GRM8: variants seen among roughly 807,000 people sequenced by gnomAD.
GRM8 encodes metabotropic glutamate receptor 8.
GRM8 carries 47 observed loss-of-function variants against 87.2 expected under a neutral mutation model. The ratio of observed to expected loss-of-function variants is 0.54; its 90% CI spans 0.43 to 0.69. The LOEUF (loss-of-function observed/expected upper bound fraction) is 0.69, where lower values mean the gene tolerates loss of function less well. Ranked by LOEUF, GRM8 falls within the 30% of genes least tolerant of loss-of-function variation. The probability of loss-of-function intolerance (pLI) is 0.00; values close to 1 mark genes in which losing one functional copy is unlikely to be tolerated. For missense variants in GRM8, 1,019 were observed against 1,139.2 expected (o/e 0.89, Z 1.52); for synonymous variants, 396 against 404.5 (o/e 0.98, Z 0.25).
intron 8 of GRM8, among the ~76,000 whole-genome samples, chr7:126,569,440 CT>C (rs1244539407): frequency 6.6e-6 from 1 of 152,128 alleles, no homozygotes; most frequent in Non-Finnish European, 1.5e-5. Context: ...AACAAAAATG[CT>C]GAAAGTGAAT....
At chr7:126,832,016 G>A (rs960773619) in intron 6 of GRM8, among the ~76,000 whole-genome samples, 2 of 152,044 alleles carry the variant, frequency 1.3e-5, no homozygotes, top group Non-Finnish European at 2.9e-5. Flanking sequence ...CAATAAATAA[G>A]TGCAGACTTA....
At chr7:126,839,215 G>C (rs1796056687) in intron 6 of GRM8, among the ~76,000 whole-genome samples, 2 of 152,144 alleles carry the variant, frequency 1.3e-5, no homozygotes, top group Admixed American at 1.3e-4. Context: ...ATAGAAAACA[G>C]AGGCAGGTAA....
intron 3 of GRM8, among the ~76,000 whole-genome samples, chr7:127,094,622 T>C (rs186705969): frequency 4.2e-4 from 64 of 152,224 alleles, no homozygotes; most frequent in African/African-American, 1.3e-3. Flanking sequence ...CTCAAGAGGA[T>C]CCAAGCCTGC....
intron 2 of GRM8, among the ~76,000 whole-genome samples, chr7:127,238,190 G>A (rs1798085353): frequency 6.6e-6 from 1 of 152,108 alleles, no homozygotes; most frequent in Admixed American, 6.6e-5. Context: ...ACCGTTACAT[G>A]TCACATTATC....
At chr7:126,457,700 G>C (rs1803410257) in intron 9 of GRM8, among the ~76,000 whole-genome samples, 2 of 150,712 alleles carry the variant, frequency 1.3e-5, no homozygotes, top group Admixed American at 1.3e-4. Flanking sequence ...AGACACAAAA[G>C]AAGAAATCTT....
intron 7 of GRM8, among the ~76,000 whole-genome samples, chr7:126,657,398 T>C (rs1430882168): frequency 6.6e-6 from 1 of 152,220 alleles, no homozygotes; most frequent in Non-Finnish European, 1.5e-5. Context: ...TGACATATTT[T>C]CTTAGCAGTA....
chr7:126,633,730 C>T (rs1426947368), intron 7 of GRM8, among the ~76,000 whole-genome samples: 1 of 151,712 alleles, frequency 6.6e-6, no homozygotes, highest in East Asian at 1.9e-4. Context: ...ACCTCTTTCA[C>T]TAAATAACTA....
At chr7:126,875,748 T>C (rs943646533) in intron 6 of GRM8, among the ~76,000 whole-genome samples, 8 of 152,064 alleles carry the variant, frequency 5.3e-5, no homozygotes, top group Non-Finnish European at 8.8e-5. Context: ...CACCATCACT[T>C]CTCACCTGAA....
chr7:126,736,814 T>C (rs1227772631), intron 7 of GRM8, among the ~76,000 whole-genome samples: 3 of 151,996 alleles, frequency 2.0e-5, no homozygotes, highest in South Asian at 2.1e-4. Flanking sequence ...TTTCTAGAGA[T>C]TCAAAATCAT....
At chr7:126,876,114 A>G (rs140158062) in intron 6 of GRM8, among the ~76,000 whole-genome samples, 208 of 152,226 alleles carry the variant, frequency 1.4e-3, no homozygotes, top group African/African-American at 4.7e-3. Flanking sequence ...GATCTCCTCA[A>G]TGCTGAGCTG....
intron 5 of GRM8, among the ~76,000 whole-genome samples, chr7:126,903,539 A>T (rs990308009): frequency 2.0e-5 from 3 of 150,082 alleles, no homozygotes; most frequent in Non-Finnish European, 4.4e-5. Context: ...TTAAAAAAAT[A>T]TAATGGGTCC....
chr7:126,477,883 G>A (rs1434481339), intron 9 of GRM8, among the ~76,000 whole-genome samples: 1 of 152,068 alleles, frequency 6.6e-6, no homozygotes, highest in African/African-American at 2.4e-5. Context: ...TTCAAGTCTG[G>A]AGACCAAAAG....
chr7:126,993,140 A>C (rs1812839160), intron 3 of GRM8, among the ~76,000 whole-genome samples: 1 of 152,172 alleles, frequency 6.6e-6, no homozygotes, highest in Non-Finnish European at 1.5e-5. Flanking sequence ...AACTCAGTAT[A>C]ATCAGAAATA....
intron 9 of GRM8, among the ~76,000 whole-genome samples, chr7:126,457,767 C>A (rs1008773143): frequency 6.7e-6 from 1 of 148,630 alleles, no homozygotes; most frequent in Non-Finnish European, 1.5e-5. Context: ...TAAATCCAAT[C>A]AATATAGAAG....
At chr7:126,970,905 C>G (rs549130378) in intron 3 of GRM8, among the ~76,000 whole-genome samples, 1 of 151,898 alleles carries the variant, frequency 6.6e-6, no homozygotes, top group Non-Finnish European at 1.5e-5. Context: ...AAGAGAGGGA[C>G]AGAGATGAGG....
At chr7:127,042,165 G>A (rs1313603697) in intron 3 of GRM8, among the ~76,000 whole-genome samples, 3 of 152,174 alleles carry the variant, frequency 2.0e-5, no homozygotes, top group Admixed American at 2.0e-4. Flanking sequence ...GAGAGCCTCA[G>A]CCTCAAAGAT....
chr7:126,892,111 T>A (rs10954139), intron 6 of GRM8, among the ~76,000 whole-genome samples: 13,863 of 151,482 alleles, frequency 0.092, 682 homozygotes, highest in Middle Eastern at 0.15. Context: ...TTAATATTTG[T>A]ATAACTTTTT....
At chr7:126,840,860 ATGTT>A (rs1254013088) in intron 6 of GRM8, among the ~76,000 whole-genome samples, 1 of 152,232 alleles carries the variant, frequency 6.6e-6, no homozygotes, top group African/African-American at 2.4e-5. Flanking sequence ...TTTATAAACA[ATGTT>A]TGTTAGATTA....
At chr7:126,656,419 C>T (rs1051271255) in intron 7 of GRM8, among the ~76,000 whole-genome samples, 1 of 152,146 alleles carries the variant, frequency 6.6e-6, no homozygotes, top group Non-Finnish European at 1.5e-5. Context: ...TGGCTCACTC[C>T]TGTAAACCTA....
Sources: allele counts gnomAD v4.1 joint callset (sites outside exome capture counted in the v4.1 genomes callset), GRCh38; gene constraint gnomAD v4.1.1; transcripts MANE v1.5; gene names NCBI Gene and HGNC (gene_info 2026-07-23, HGNC 2026-07-21).